LRRC74A: variants seen among roughly 807,000 people sequenced by gnomAD.
LRRC74A encodes the protein leucine rich repeat containing 74A.
LRRC74A carries 44 observed loss-of-function variants against 57.9 expected under a neutral mutation model. That is an observed-to-expected ratio of 0.76 (90% CI 0.60 to 0.98). The LOEUF (loss-of-function observed/expected upper bound fraction) is 0.98. Among genes scored for constraint, LRRC74A ranks in the 50% least tolerant of loss-of-function variants. The pLI is 0.00. For missense variants in LRRC74A, 572 were observed against 574.0 expected (o/e 1.00, Z 0.04); for synonymous variants, 211 against 219.4 (o/e 0.96, Z 0.34).
intron 3 of LRRC74A, among the ~76,000 whole-genome samples, chr14:76,831,677 A>T (rs1895985437): frequency 6.6e-6 from 1 of 152,150 alleles, no homozygotes; most frequent in South Asian, 2.1e-4. Context: ...GCCCAGGAAA[A>T]GTGACCAGGC....
In LRRC74A at chr14:76,864,191, G is replaced by A. The variant is rs576259452; in HGVS notation, c.1201-1777G>A. On this transcript the variant is annotated intron_variant, in intron 11 of 13. Transcript: ENST00000689127. Reference sequence around the variant, plus strand: ...GGATGTGTTGATTGAAGTGCCGGTGGGGTGTCCAGCAGCTGTGGAGGATGG... The same window carrying A: ...GGATGTGTTGATTGAAGTGCCGGTGAGGTGTCCAGCAGCTGTGGAGGATGG... 3.9e-5 allele frequency among the ~76,000 whole-genome samples: 6 copies of A among 152,266 alleles called. No individual in the cohort carries two copies. In the South Asian group the frequency reaches 1.2e-3, roughly 32 times the overall value.
rs1174153864 is a variant in LRRC74A at position 76,837,908 on chromosome 14, G to A, written c.481G>A (p.Ala161Thr). The change falls in exon 5 of 14, where the codon GCC becomes ACC. Residue 161 changes from alanine to threonine, a missense_variant. Physicochemically the swap from Ala to Thr is moderately conservative, Grantham distance 58 (BLOSUM62 0). Coordinates refer to ENST00000689127, the MANE Select transcript of LRRC74A (RefSeq NM_001385106.1). ...CAACAATCACCTTGGTTTGGAGGGGGCCAGAATCATCTCAGATTTCTTTGA... is the reference window on the plus strand; with the variant it reads ...CAACAATCACCTTGGTTTGGAGGGGACCAGAATCATCTCAGATTTCTTTGA... ...ISNNHLGLEG[A>T]RIISDFFERN... 2 of 1,592,392 alleles carry A rather than the reference G, an allele frequency of 1.3e-6. No individual in the cohort carries two copies. Among genetic ancestry groups the A allele is most frequent in the African/African-American group, 2.7e-5 (2 of 74,518 alleles).
chr14:76,868,655 G>A (rs1297043787), intron 13 of LRRC74A, among the ~76,000 whole-genome samples: 2 of 152,138 alleles, frequency 1.3e-5, no homozygotes, highest in African/African-American at 4.8e-5. Context: ...ATCTGTCTTG[G>A]TGGCCCTGTG....
At chr14:76,857,215 T>C (rs556903245) in intron 9 of LRRC74A, among the ~76,000 whole-genome samples, 165 bp from the exon 10 acceptor site, 12 of 152,116 alleles carry the variant, frequency 7.9e-5, no homozygotes, top group South Asian at 4.2e-4. Context: ...AGCAGTGAGA[T>C]AGGCAGACAG....
intron 8 of LRRC74A, 23 bp downstream of exon 8, chr14:76,852,473 T>G: frequency 6.4e-7 from 1 of 1,551,760 alleles, no homozygotes; most frequent in South Asian, 1.2e-5. Flanking sequence ...CCAGGAGTGA[T>G]GTGTGGAGCC....
intron 2 of LRRC74A, chr14:76,828,943 C>A: frequency 8.4e-7 from 1 of 1,186,224 alleles, no homozygotes; most frequent in Non-Finnish European, 1.1e-6. Context: ...TATCTTGCAT[C>A]CCAGTGACTT....
intron 3 of LRRC74A, 53 bp from the exon 4 acceptor site, chr14:76,836,154 C>T: frequency 2.2e-6 from 3 of 1,353,664 alleles, no homozygotes; most frequent in Non-Finnish European, 3.1e-6. Flanking sequence ...AGGGAACTGA[C>T]TGGGTCACCA....
chr14:76,847,413 A>G (rs1014791749), intron 7 of LRRC74A, among the ~76,000 whole-genome samples: 3 of 152,208 alleles, frequency 2.0e-5, no homozygotes, highest in African/African-American at 7.2e-5. Flanking sequence ...GCTGGAGGAC[A>G]TTATCCTTAG....
chr14:76,837,648 G>A (rs1446838818), intron 4 of LRRC74A, among the ~76,000 whole-genome samples: 2 of 152,078 alleles, frequency 1.3e-5, no homozygotes, highest in Non-Finnish European at 2.9e-5. Context: ...ACTGAGACCA[G>A]CTAGCCCACG....
In LRRC74A at chr14:76,837,239, C is replaced by A. The variant is rs148567162; in HGVS notation, c.448-636C>A. Among the ~76,000 whole-genome samples, 39 of 152,228 alleles carry A rather than the reference C, an allele frequency of 2.6e-4. 1 individual carries two copies. The highest frequency in any genetic ancestry group is 8.9e-4 in the African/African-American group (37 of 41,542). On this transcript the variant is annotated intron_variant, in intron 4 of 13. Coordinates refer to ENST00000689127, the MANE Select transcript of LRRC74A (RefSeq NM_001385106.1). ...AAATAATGTCATAAAAGACAATGTG[C>A]CTAGAGATGGCTGGCGGTGATGGTT...
At chr14:76,851,520 G>C (rs1897486509) in intron 7 of LRRC74A, among the ~76,000 whole-genome samples, 1 of 152,018 alleles carries the variant, frequency 6.6e-6, no homozygotes, top group Non-Finnish European at 1.5e-5. Flanking sequence ...ACCACACCCA[G>C]TGAATTTTTG....
intron 13 of LRRC74A, among the ~76,000 whole-genome samples, chr14:76,867,681 C>A (rs752603105): frequency 5.9e-5 from 9 of 152,082 alleles, no homozygotes; most frequent in Non-Finnish European, 1.2e-4. Flanking sequence ...GGGATGCCAG[C>A]GGGAGGAGCC....
At chr14:76,867,517 T>C (rs894691477) in intron 13 of LRRC74A, 79 bp downstream of exon 13, 1 of 745,614 alleles carries the variant, frequency 1.3e-6, no homozygotes, top group African/African-American at 1.7e-5. Context: ...CCAGCTTTCC[T>C]GTCTACACTT....
At chr14:76,854,881 A>T (rs887609048) in intron 9 of LRRC74A, among the ~76,000 whole-genome samples, 6 of 152,190 alleles carry the variant, frequency 3.9e-5, no homozygotes, top group Non-Finnish European at 5.9e-5. Context: ...GTCGTTACTC[A>T]TAGCCTCACC....
At chr14:76,833,464 CAG>C (rs1245213862) in intron 3 of LRRC74A, among the ~76,000 whole-genome samples, 1 of 106,648 alleles carries the variant, frequency 9.4e-6, no homozygotes, top group East Asian at 2.9e-4. Context: ...TTTTTTGAGA[CAG>C]AGTCTCACTC....
At chr14:76,855,802 C>T (rs928070435) in intron 9 of LRRC74A, among the ~76,000 whole-genome samples, 2 of 152,234 alleles carry the variant, frequency 1.3e-5, no homozygotes, top group Non-Finnish European at 2.9e-5. Flanking sequence ...GTTGAAGCCA[C>T]TTAGCTGAAA....
intron 9 of LRRC74A, among the ~76,000 whole-genome samples, chr14:76,854,295 G>A (rs377652646): frequency 6.6e-6 from 1 of 152,178 alleles, no homozygotes; most frequent in African/African-American, 2.4e-5. Flanking sequence ...CCTCAAATGT[G>A]AAAGCTTCAT....
chr14:76,866,024 C>T lies in LRRC74A; in HGVS notation c.1257C>T (p.Pro419=), dbSNP rs1882844. The change falls in exon 12 of 14, where the codon CCC becomes CCT. Residue 419 remains proline, a synonymous_variant. Coordinates refer to ENST00000689127, the MANE Select transcript of LRRC74A (RefSeq NM_001385106.1). ...TGGACTTCTTCAAGAGCTTGAACCC[C>T]ACTGGGACAATGAAGATGTCTGTGG... The part of the protein sequence containing the change: ...TIVDFFKSLN[P]TGTMKMSVDE... The T allele has an allele frequency of 0.98, 1,575,447 of 1,602,636 alleles. 775,666 individuals are homozygous for T. Among genetic ancestry groups the T allele is most frequent in the Non-Finnish European group, 1 (1,170,981 of 1,171,728 alleles).
rs1242208681 is a variant in LRRC74A, at chr14:76,860,734, AGT to A, written c.1098_1099del (p.Tyr367CysfsTer62). On this transcript the variant is annotated frameshift_variant, in exon 11 of 14. Coordinates refer to ENST00000689127, the MANE Select transcript of LRRC74A (RefSeq NM_001385106.1). LOFTEE classifies it high-confidence loss of function. ...AGCAGTTCATGAAAACGTTGGACGG[AGT>A]GTATGCCGTTCACCCGCAGCTGGAC... ...SEQFMKTLDG[V>X]YAVHPQLDVV... The A allele has an allele frequency of 6.2e-7, 1 of 1,612,036 alleles. No homozygotes were observed. The highest frequency in any genetic ancestry group is 1.1e-5 in the South Asian group (1 of 90,866).
Sources: allele counts gnomAD v4.1 joint callset (sites outside exome capture counted in the v4.1 genomes callset), GRCh38; gene constraint gnomAD v4.1.1; transcripts MANE v1.5; gene names NCBI Gene and HGNC (gene_info 2026-07-23, HGNC 2026-07-21).